Variants in NOD2 observed in about 807,000 individuals in gnomAD.
The protein encoded by NOD2 is nucleotide-binding oligomerization domain-containing protein 2.
Under a neutral mutation model 90.9 loss-of-function variants are expected in NOD2, and 86 were observed. The ratio of observed to expected loss-of-function variants is 0.95; its 90% CI spans 0.79 to 1.13. The LOEUF is 1.13. Ranked by LOEUF, NOD2 falls within the 50% of genes most tolerant of loss-of-function variation. The pLI, the probability that NOD2 is intolerant of heterozygous loss-of-function variation, is 0.00. For missense variants in NOD2, 1,238 were observed against 1,283.8 expected (o/e 0.96, Z 0.55); for synonymous variants, 581 against 554.6 (o/e 1.05, Z -0.67).
rs1029834852 is a variant in NOD2, at chr16:50,732,964, A to G, written c.*1145A>G. 6.6e-6 allele frequency: 1 copy of G among 152,392 alleles called. No homozygotes were observed. The highest frequency in any genetic ancestry group is 2.4e-5 in the African/African-American group (1 of 41,464). 9.4% of individuals were successfully genotyped at this position (152,392 alleles called of 1,614,324 possible). A position where few individuals can be genotyped will look rare whatever the true frequency, so the allele number is the denominator to read the frequency against. On this transcript the variant is annotated 3_prime_UTR_variant, in exon 12 of 12. Coordinates refer to ENST00000647318, the MANE Select transcript of NOD2 (RefSeq NM_001370466.1). ...ACATTATGATGTGTGAAAACTGGTT[A>G]ATATTTATAGGTCACTTTGTTTTAC...
chr16:50,707,394 A>T (rs1964245206), intron 2 of NOD2, among the ~76,000 whole-genome samples: 1 of 152,196 alleles, frequency 6.6e-6, no homozygotes, highest in Non-Finnish European at 1.5e-5. Context: ...GTGTTTATGA[A>T]ACTTTTAAGT....
At chr16:50,729,169 G>A (rs1163101263) in intron 10 of NOD2, 1 of 156,246 alleles carries the variant, frequency 6.4e-6, no homozygotes, top group Non-Finnish European at 1.4e-5. Context: ...AGAACAGGAT[G>A]GGATTCAATT....
At chr16:50,695,199 G>A (rs925932085) in intron 1 of NOD2, among the ~76,000 whole-genome samples, 4 of 152,064 alleles carry the variant, frequency 2.6e-5, no homozygotes, top group African/African-American at 4.8e-5. Context: ...CCCGTTGAGC[G>A]GATCATTGCT....
chr16:50,713,105 G>A (rs1041295920), intron 4 of NOD2: 14 of 154,824 alleles, frequency 9.0e-5, no homozygotes, highest in African/African-American at 3.1e-4. Context: ...ACATCTTGGG[G>A]GCAGGCAAGG....
In NOD2 at chr16:50,729,867, G is replaced by GC. The variant is rs2066847; in HGVS notation, c.2938dup (p.Leu980ProfsTer2). The GC allele has an allele frequency of 0.018, 29,257 of 1,613,186 alleles. 607 individuals are homozygous for GC. Among genetic ancestry groups the GC allele is most frequent in the Non-Finnish European group, 0.022 (25,512 of 1,179,300 alleles). On this transcript the variant is annotated frameshift_variant, in exon 11 of 12. Coordinates refer to ENST00000647318, the MANE Select transcript of NOD2 (RefSeq NM_001370466.1). LOFTEE classifies it high-confidence loss of function. ...CCTAGGGGCAGAAGCCCTCCTGCAG[G>GC]CCCTTGAAAGGAATGACACCATCCT... is the stretch of plus-strand genomic sequence containing the variant.
At position 50,716,670 on chromosome 16, in the gene NOD2, CG is replaced by C. The variant is rs1468997452; in HGVS notation, c.2465+1del. On this transcript the variant is annotated splice_donor_variant, in intron 5 of 11. Coordinates refer to ENST00000647318, the MANE Select transcript of NOD2 (RefSeq NM_001370466.1). LOFTEE classifies it high-confidence loss of function. The stretch of plus-strand genomic sequence containing the variant: ...CACTGCGAGCAATTGCAGAAGTTAG[CG>C]TAAGTCAGCCTGGGCTGTGGACAAT... The C allele has an allele frequency of 6.2e-7, 1 of 1,613,900 alleles. No homozygotes were observed. Among genetic ancestry groups the C allele is most frequent in the African/African-American group, 1.3e-5 (1 of 75,050 alleles).
At chr16:50,701,821 A>G (rs1315488088) in intron 2 of NOD2, among the ~76,000 whole-genome samples, 1 of 152,262 alleles carries the variant, frequency 6.6e-6, no homozygotes, top group Non-Finnish European at 1.5e-5. Flanking sequence ...ATTCAGAACC[A>G]TACAATAATG....
chr16:50,731,913 A>G lies in NOD2; in HGVS notation c.*94A>G. ...GTGACATGTGTTGGCAGCCTCTTCA[A>G]AATGAGCCCTGTCCTGCCTAAGGCT... On this transcript the variant is annotated 3_prime_UTR_variant, in exon 12 of 12. Coordinates refer to ENST00000647318, the MANE Select transcript of NOD2 (RefSeq NM_001370466.1). 2.2e-6 allele frequency: 2 copies of G among 902,588 alleles called. No homozygotes were observed. Among genetic ancestry groups the G allele is most frequent in the South Asian group, 2.6e-5 (2 of 75,964 alleles). The allele number at this position is 902,588 out of a possible 1,614,324, so 55.9% of individuals were successfully genotyped here. A position where few individuals can be genotyped will look rare whatever the true frequency, so the allele number is the denominator to read the frequency against.
chr16:50,711,479 T>C lies in NOD2; in HGVS notation c.1487T>C (p.Leu496Pro), dbSNP rs750320692. 2.5e-6 allele frequency: 4 copies of C among 1,613,332 alleles called. No individual in the cohort carries two copies. The East Asian group carries it at 8.9e-5, about 36-fold the overall frequency. The change falls in exon 4 of 12, where the codon CTG (leucine) becomes CCG (proline). Residue 496 changes from leucine to proline, a missense_variant. Leu to Pro is a moderately conservative substitution (Grantham distance 98). This residue lies in a region of NOD2 where 667 missense variants were observed against 688.7 expected (regional missense o/e 0.97). Coordinates refer to ENST00000647318, the MANE Select transcript of NOD2 (RefSeq NM_001370466.1). The part of the protein sequence containing the change: ...MYLLILQHFL[L>P]HATPPDSASQ... Reference sequence around the variant, plus strand: ...CTGCTGATTCTGCAGCATTTTCTGCTGCATGCCACCCCCCCAGACTCAGCT... The same window carrying C: ...CTGCTGATTCTGCAGCATTTTCTGCCGCATGCCACCCCCCCAGACTCAGCT...
chr16:50,693,901 G>A (rs978860591), intron 1 of NOD2, among the ~76,000 whole-genome samples: 1 of 152,126 alleles, frequency 6.6e-6, no homozygotes, highest in Non-Finnish European at 1.5e-5. Context: ...TCCTCTCTGT[G>A]GGACTCAGTT....
intron 1 of NOD2, among the ~76,000 whole-genome samples, chr16:50,698,645 T>G (rs1384936351): frequency 6.6e-6 from 1 of 152,204 alleles, no homozygotes; most frequent in Non-Finnish European, 1.5e-5. Flanking sequence ...CCTGTCTAGC[T>G]GTGACACATC....
chr16:50,711,138 C>A lies in NOD2; in HGVS notation c.1146C>A (p.Asn382Lys). 2 of 1,614,190 alleles carry A rather than the reference C, an allele frequency of 1.2e-6. No individual in the cohort carries two copies. Among genetic ancestry groups the A allele is most frequent in the Non-Finnish European group, 1.7e-6 (2 of 1,180,036 alleles). Residue 382 changes from asparagine (N) to lysine (K), a missense_variant, in exon 4 of 12, where the codon AAC becomes AAA. By Grantham distance (94) the Asn-to-Lys change is moderately conservative. Transcript: ENST00000647318. Reference protein sequence around the residue: ...DPTSVQTLLFNLLQGNLLKNA... With the variant: ...DPTSVQTLLFKLLQGNLLKNA... ...CCTCTGTCCAGACCCTGCTCTTCAA[C>A]CTTCTGCAGGGCAACCTGCTGAAGA... is the stretch of plus-strand genomic sequence containing the variant.
rs1338330097 is a variant in NOD2, at chr16:50,699,616, T to C, written c.121T>C (p.Trp41Arg). Residue 41 changes from tryptophan to arginine, a missense_variant, in exon 2 of 12, where the codon TGG becomes CGG. Around this residue, in one of 3 missense-constraint regions of NOD2, gnomAD observed 567 missense variants for 577.3 expected, o/e 0.98. Coordinates refer to ENST00000647318, the MANE Select transcript of NOD2 (RefSeq NM_001370466.1). ...DWLLSWEVLS[W>R]EDYEGFHLLG... Reference sequence around the variant, plus strand: ...GCTGCTGTCCTGGGAGGTCCTCTCCTGGGAGGACTACGAGGGCTTCCACCT... The same window carrying C: ...GCTGCTGTCCTGGGAGGTCCTCTCCCGGGAGGACTACGAGGGCTTCCACCT... 1 of 1,614,060 alleles carries C rather than the reference T, an allele frequency of 6.2e-7. No individual in the cohort carries two copies. Among genetic ancestry groups the C allele is most frequent in the Admixed American group, 1.7e-5 (1 of 60,026 alleles).
chr16:50,694,339 C>T (rs761287063), intron 1 of NOD2, among the ~76,000 whole-genome samples: 5 of 152,148 alleles, frequency 3.3e-5, no homozygotes, highest in Non-Finnish European at 7.4e-5. Context: ...CCTTGTTCTA[C>T]AGAGGGGAAA....
intron 6 of NOD2, among the ~76,000 whole-genome samples, chr16:50,718,202 T>C (rs1269307269): frequency 6.6e-6 from 1 of 152,236 alleles, no homozygotes; most frequent in Non-Finnish European, 1.5e-5. Flanking sequence ...GGATGACGCA[T>C]GCAGCACTGT....
At chr16:50,730,204 C>T (rs971450465) in intron 11 of NOD2, among the ~76,000 whole-genome samples, 1 of 152,150 alleles carries the variant, frequency 6.6e-6, no homozygotes, top group South Asian at 2.1e-4. Flanking sequence ...AGTCAGCTCC[C>T]GCCCTCCTAG....
intron 1 of NOD2, chr16:50,697,468 C>A: frequency 2.6e-6 from 2 of 772,160 alleles, no homozygotes; most frequent in Non-Finnish European, 4.5e-6. Context: ...GGGTTTTTTT[C>A]CCCAGGACCT....
chr16:50,715,527 T>A, intron 4 of NOD2: 1 of 152,176 alleles, frequency 6.6e-6, no homozygotes, highest in East Asian at 1.9e-4. Context: ...GCCATTCTCC[T>A]GCCTCAGCCT....
chr16:50,719,482 C>T (rs1397954003), intron 6 of NOD2, among the ~76,000 whole-genome samples: 2 of 152,172 alleles, frequency 1.3e-5, no homozygotes, highest in Non-Finnish European at 2.9e-5. Context: ...ACCCCTCCCT[C>T]CAGCCACCTG....
Sources: gnomAD v4.1 joint callset for allele counts (sites outside exome capture counted in the v4.1 genomes callset) on GRCh38, gnomAD v4.1.1 for gene constraint, gnomAD v4.1.1 regional missense constraint, MANE v1.5 for transcripts, NCBI Gene and HGNC (gene_info 2026-07-23, HGNC 2026-07-21) for gene names.